The following CMSS1 variants were observed in gnomAD, a reference collection of about 807,000 sequenced individuals.
CMSS1 encodes protein CMSS1.
CMSS1 carries 33 observed loss-of-function variants against 43.5 expected under a neutral mutation model. That is an observed-to-expected ratio of 0.76 (90% confidence interval 0.57 to 1.01). CMSS1 has a LOEUF of 1.01. Ranked by LOEUF, CMSS1 falls within the 50% of genes least tolerant of loss-of-function variation. The pLI, the probability that CMSS1 is intolerant of heterozygous loss-of-function variation, is 0.00. For missense variants in CMSS1, 313 were observed against 326.4 expected (o/e 0.96, Z 0.32); for synonymous variants, 115 against 117.2 (o/e 0.98, Z 0.12).
chr3:100,071,151 A>G (rs983330214), intron 1 of CMSS1, among the ~76,000 whole-genome samples: 35 of 48,772 alleles, frequency 7.2e-4, no homozygotes, highest in African/African-American at 2.8e-3. Context: ...TTAAGTTCTT[A>G]TAATTACCCC....
chr3:100,162,052 T>G (rs2067027873), intron 3 of CMSS1, among the ~76,000 whole-genome samples: 1 of 152,202 alleles, frequency 6.6e-6, no homozygotes, highest in African/African-American at 2.4e-5. Flanking sequence ...CCTGCAAAAA[T>G]TTAGTTATCT....
intron 1 of CMSS1, chr3:99,833,277 AAGAAG>A (rs759557668): frequency 6.2e-7 from 1 of 1,603,466 alleles, no homozygotes; most frequent in Non-Finnish European, 8.5e-7. Flanking sequence ...GAGCAGTAGA[AAGAAG>A]AGGAGTAAAT....
intron 1 of CMSS1, among the ~76,000 whole-genome samples, chr3:99,998,724 C>T (rs1197445260): frequency 6.6e-6 from 1 of 152,140 alleles, no homozygotes; most frequent in Non-Finnish European, 1.5e-5. Flanking sequence ...CACCATGCCC[C>T]AGCCAATTTT....
At chr3:99,947,029 CG>C (rs1708029538) in intron 1 of CMSS1, among the ~76,000 whole-genome samples, 2 of 147,838 alleles carry the variant, frequency 1.4e-5, no homozygotes, top group South Asian at 4.3e-4. Flanking sequence ...CCCAGATACT[CG>C]GGAGGCTGAG....
chr3:100,046,565 G>T (rs1333919007), intron 1 of CMSS1, among the ~76,000 whole-genome samples: 1 of 151,920 alleles, frequency 6.6e-6, no homozygotes, highest in Non-Finnish European at 1.5e-5. Flanking sequence ...GTTACAATTG[G>T]TTGTTGTTGA....
At chr3:99,864,364 A>G (rs910474693) in intron 1 of CMSS1, among the ~76,000 whole-genome samples, 9 of 152,152 alleles carry the variant, frequency 5.9e-5, no homozygotes, top group Admixed American at 5.9e-4. Context: ...GTGCCACTAG[A>G]TCTCACTTAA....
Position 99,924,288 on chromosome 3 carries a change from T to C in CMSS1, c.64+106245T>C, listed in dbSNP as rs200560124. On this transcript the variant is annotated intron_variant, in intron 1 of 9. Coordinates refer to ENST00000421999, the MANE Select transcript of CMSS1 (RefSeq NM_032359.4). ...TCATCACTCTTCTCCATGTATTCTT[T>C]ATGTTTTCTCTTTTCTTCCTCCAAC... is the stretch of plus-strand genomic sequence containing the variant. 707 of 1,614,140 alleles carry C rather than the reference T, an allele frequency of 4.4e-4. No homozygotes were observed. Among genetic ancestry groups the C allele is most frequent in the Non-Finnish European group, 5.5e-4 (646 of 1,180,000 alleles).
intron 1 of CMSS1, chr3:99,924,402 T>C: frequency 6.2e-7 from 1 of 1,613,932 alleles, no homozygotes; most frequent in Non-Finnish European, 8.5e-7. Flanking sequence ...TCCACAACTT[T>C]GTCCAACTAC....
intron 1 of CMSS1, among the ~76,000 whole-genome samples, chr3:99,937,586 A>C (rs1476895840): frequency 1.3e-5 from 2 of 152,214 alleles, no homozygotes; most frequent in African/African-American, 4.8e-5. Flanking sequence ...AGATAATGGT[A>C]CTTGCTAATG....
intron 1 of CMSS1, among the ~76,000 whole-genome samples, chr3:100,002,484 A>G (rs577224500): frequency 9.2e-5 from 14 of 152,174 alleles, no homozygotes; most frequent in Non-Finnish European, 1.9e-4. Context: ...TTGCTTTTAC[A>G]AGATTTGCAC....
intron 1 of CMSS1, among the ~76,000 whole-genome samples, chr3:100,076,129 T>A (rs1359299037): frequency 6.6e-6 from 1 of 152,236 alleles, no homozygotes; most frequent in African/African-American, 2.4e-5. Flanking sequence ...TTAAGAAATA[T>A]ATTTGTTAGT....
intron 1 of CMSS1, among the ~76,000 whole-genome samples, chr3:100,017,687 G>A (rs78746823): frequency 0.011 from 1,657 of 152,256 alleles, 34 homozygotes; most frequent in African/African-American, 0.037. Context: ...CACTTTGGGA[G>A]GCCCAGCGGG....
At chr3:99,849,756 C>G (rs1280694067) in intron 1 of CMSS1, 1 of 1,613,642 alleles carries the variant, frequency 6.2e-7, no homozygotes, top group Non-Finnish European at 8.5e-7. Flanking sequence ...CTTTCATGTC[C>G]TTTAGCTTCA....
In CMSS1 at chr3:99,991,836, A is replaced by ATATG. The variant is rs1553703596; in HGVS notation, c.65-155136_65-155135insATGT. On this transcript the variant is annotated intron_variant, in intron 1 of 9. Transcript: ENST00000421999. ...TTCCATGGTGTGTGTATATATATAT[A>ATATG]TGTGTGTGTGTGTGTGTGTGTATGT... 6.5e-4 allele frequency among the ~76,000 whole-genome samples: 93 copies of ATATG among 143,490 alleles called. 1 individual carries two copies. The highest frequency in any genetic ancestry group is 3.7e-3 in the East Asian group (18 of 4,900). 94.1% of individuals were successfully genotyped at this position (143,490 alleles called of 152,430 possible).
intron 1 of CMSS1, among the ~76,000 whole-genome samples, chr3:99,891,486 A>G (rs919355619): frequency 6.6e-6 from 1 of 152,016 alleles, no homozygotes; most frequent in Non-Finnish European, 1.5e-5. Flanking sequence ...AATATTCCTA[A>G]TATTACTTGC....
At chr3:100,091,488 C>G (rs535449397) in intron 1 of CMSS1, among the ~76,000 whole-genome samples, 9 of 152,314 alleles carry the variant, frequency 5.9e-5, no homozygotes, top group Non-Finnish European at 1.2e-4. Flanking sequence ...TTTAAAGATG[C>G]ATGCTGATAA....
intron 1 of CMSS1, chr3:99,850,584 T>G (rs1474562637): frequency 6.2e-6 from 10 of 1,613,828 alleles, no homozygotes; most frequent in Non-Finnish European, 7.6e-6. Flanking sequence ...TACCAGCGTT[T>G]CCATATTCTC....
intron 1 of CMSS1, among the ~76,000 whole-genome samples, chr3:99,839,223 A>G (rs1417810320): frequency 6.6e-6 from 1 of 152,144 alleles, no homozygotes; most frequent in Non-Finnish European, 1.5e-5. Flanking sequence ...CTGTCTATAT[A>G]GTTCCTTCTC....
At chr3:99,987,528 C>CAAAAA (rs1209242716) in intron 1 of CMSS1, among the ~76,000 whole-genome samples, 2 of 57,122 alleles carry the variant, frequency 3.5e-5, no homozygotes, top group Admixed American at 2.0e-4. Flanking sequence ...GATTCTGTCT[C>CAAAAA]AAAAAAAAAA....
Sources: gnomAD v4.1 joint callset for allele counts (sites outside exome capture counted in the v4.1 genomes callset) on GRCh38, gnomAD v4.1.1 for gene constraint, MANE v1.5 for transcripts, NCBI Gene and HGNC (gene_info 2026-07-23, HGNC 2026-07-21) for gene names.